ABCC1: variants seen among roughly 807,000 people sequenced by gnomAD.
The protein encoded by ABCC1 is multidrug resistance-associated protein 1.
In ABCC1, 83 loss-of-function variants were observed where a neutral mutation model predicts 172.9. That is an observed-to-expected ratio of 0.48 (90% CI 0.40 to 0.58). The LOEUF (loss-of-function observed/expected upper bound fraction) is 0.58, where lower values mean the gene tolerates loss of function less well. Among genes scored for constraint, ABCC1 ranks in the 20% least tolerant of loss-of-function variants. The pLI is 0.00. For synonymous variants in ABCC1, 937 were observed against 825.2 expected, an observed-to-expected ratio of 1.14 and a Z score of -2.32; for missense variants, 1,817 against 2,002.7, an observed-to-expected ratio of 0.91 and a Z score of 1.77.
At chr16:16,018,342 A>T (rs2048077898) in intron 5 of ABCC1, among the ~76,000 whole-genome samples, 1 of 152,142 alleles carries the variant, frequency 6.6e-6, no homozygotes, top group African/African-American at 2.4e-5. Context: ...TGAGTTCAGG[A>T]GTTCGAGACC....
At chr16:16,112,222 C>T (rs776192579) in intron 22 of ABCC1, among the ~76,000 whole-genome samples, 5 of 152,018 alleles carry the variant, frequency 3.3e-5, no homozygotes, top group African/African-American at 2.4e-5. Context: ...CTACAGGTCA[C>T]GTGGTGGTAT....
intron 2 of ABCC1, among the ~76,000 whole-genome samples, 175 bp downstream of exon 2, chr16:16,008,167 A>G (rs1430675214): frequency 6.6e-6 from 1 of 152,038 alleles, no homozygotes; most frequent in East Asian, 1.9e-4. Context: ...AAACATGGGT[A>G]CAAATCTTTG....
In ABCC1 at chr16:16,056,143, C is replaced by T. The variant is rs751617110; in HGVS notation, c.1525C>T (p.Leu509Phe). The change falls in exon 12 of 31, where the codon CTC becomes TTC. Residue 509 changes from leucine (L) to phenylalanine (F), a missense_variant. Transcript: ENST00000399410. ...DNRIKLMNEI[L>F]NGIKVLKLYA... Reference sequence around the variant, plus strand: ...TCGGATCAAGCTGATGAACGAAATTCTCAATGGGATCAAAGTGCTAAAGCT... The same window carrying T: ...TCGGATCAAGCTGATGAACGAAATTTTCAATGGGATCAAAGTGCTAAAGCT... 6.8e-6 allele frequency: 11 copies of T among 1,613,980 alleles called. No homozygotes were observed. In the African/African-American group the frequency reaches 1.5e-4, roughly 22 times the overall value.
rs753360625 is a variant in ABCC1, at chr16:16,068,211, A to G, written c.1733A>G (p.Asp578Gly). Residue 578 changes from aspartate (D) to glycine (G), a missense_variant, in exon 13 of 31, where the codon GAT becomes GGT. This residue lies in a region of ABCC1 where 1,412 missense variants were observed against 1,600.3 expected (regional missense o/e 0.88). Coordinates refer to ENST00000399410, the MANE Select transcript of ABCC1 (RefSeq NM_004996.4). ...YVTIDENNIL[D>G]AQTAFVSLAL... ...ACCATTGACGAGAACAACATCCTGG[A>G]TGCCCAGACAGCCTTCGTGTCTTTG... 3 of 1,614,162 alleles carry G rather than the reference A, an allele frequency of 1.9e-6. No homozygotes were observed. Among genetic ancestry groups the G allele is most frequent in the Non-Finnish European group, 2.5e-6 (3 of 1,180,026 alleles).
Position 16,124,337 on chromosome 16 carries a change from G to GTGTA in ABCC1, c.3591-449_3591-448insATGT, listed in dbSNP as rs1555502570. ...GCACTGTGTGTGTGTGTGTGTGTGT[G>GTGTA]TGTGTGTGTGTGATTATAGGAGTGA... On this transcript the variant is annotated intron_variant, in intron 24 of 30. Coordinates refer to ENST00000399410, the MANE Select transcript of ABCC1 (RefSeq NM_004996.4). 1.3e-3 allele frequency among the ~76,000 whole-genome samples: 157 copies of GTGTA among 122,874 alleles called. 2 individuals are homozygous for GTGTA. In the East Asian group the frequency reaches 0.018, roughly 14 times the overall value. 80.6% of individuals were successfully genotyped at this position (122,874 alleles called of 152,430 possible).
rs1250983684 is a variant in ABCC1 at position 16,016,621 on chromosome 16, T to C, written c.615T>C (p.Pro205=). ...TGTTCTCGGAAACCATCCACGACCC[T>C]GTAAGTGTGACCACAGATGAGTGTG... ...SPLFSETIHD[P]NPCPESSASF... is the part of the protein sequence containing the mutation. Residue 205 remains proline (P), a splice_region_variant and synonymous_variant, in exon 5 of 31, where the codon CCT becomes CCC. Coordinates refer to ENST00000399410, the MANE Select transcript of ABCC1 (RefSeq NM_004996.4). 1 of 1,614,170 alleles carries C rather than the reference T, an allele frequency of 6.2e-7. No homozygotes were observed. Among genetic ancestry groups the C allele is most frequent in the Non-Finnish European group, 8.5e-7 (1 of 1,180,010 alleles).
chr16:16,008,084 T>TAGGGTCAACTA, intron 2 of ABCC1, 92 bp downstream of exon 2: 2 of 1,285,654 alleles, frequency 1.6e-6, no homozygotes, highest in Non-Finnish European at 2.2e-6. Flanking sequence ...CTCTTCTACT[T>TAGGGTCAACTA]AGTTGACCCT....
At chr16:16,136,326 T>C in intron 28 of ABCC1, 152 bp from the exon 29 acceptor site, 1 of 892,728 alleles carries the variant, frequency 1.1e-6, no homozygotes, top group South Asian at 2.0e-5. Flanking sequence ...ACCTGGCCTT[T>C]TTCTCCATTA....
intron 17 of ABCC1, 49 bp from the exon 18 acceptor site, chr16:16,086,775 A>T (rs1387074648): frequency 2.5e-6 from 4 of 1,598,248 alleles, no homozygotes; most frequent in Non-Finnish European, 3.4e-6. Flanking sequence ...ACGTATTGTG[A>T]GTCTCAAGAT....
chr16:16,033,173 A>G lies in ABCC1; in HGVS notation c.677+3A>G, dbSNP rs775794707. Reference sequence around the variant, plus strand: ...ATCACCTTCTGGTGGATCACAGGGTAAGGCCAGGCCCCCCAGACCTCAGGG... The same window carrying G: ...ATCACCTTCTGGTGGATCACAGGGTGAGGCCAGGCCCCCCAGACCTCAGGG... On this transcript the variant is annotated splice_donor_region_variant and intron_variant, in intron 6 of 30. Transcript: ENST00000399410. The G allele has an allele frequency of 1.2e-6, 2 of 1,613,794 alleles. No individual in the cohort carries two copies. The highest frequency in any genetic ancestry group is 1.7e-6 in the Non-Finnish European group (2 of 1,179,696).
chr16:16,111,307 C>A, intron 21 of ABCC1, 68 bp from the exon 22 acceptor site: 1 of 1,317,874 alleles, frequency 7.6e-7, no homozygotes, highest in Non-Finnish European at 1.1e-6. Context: ...AGCCCCCGAC[C>A]TTGTGGGGCT....
At chr16:16,126,585 A>G (rs142733206) in intron 26 of ABCC1, among the ~76,000 whole-genome samples, 6 of 152,072 alleles carry the variant, frequency 3.9e-5, no homozygotes, top group Admixed American at 2.6e-4. Context: ...GGGTTTCACT[A>G]AGTTGGCCAG....
chr16:16,032,840 G>A (rs952952973), intron 5 of ABCC1, among the ~76,000 whole-genome samples: 11 of 152,176 alleles, frequency 7.2e-5, no homozygotes, highest in African/African-American at 2.7e-4. Context: ...GGTTGTTGTG[G>A]GGATAGAAGA....
chr16:16,004,937 T>G (rs1362629211), intron 1 of ABCC1, among the ~76,000 whole-genome samples: 2 of 152,056 alleles, frequency 1.3e-5, no homozygotes, highest in East Asian at 3.9e-4. Flanking sequence ...AGTGCTGGGA[T>G]TACAGGCATG....
intron 1 of ABCC1, among the ~76,000 whole-genome samples, chr16:15,983,497 T>G (rs1193025116): frequency 6.6e-6 from 1 of 151,648 alleles, no homozygotes; most frequent in East Asian, 1.9e-4. Context: ...CAGATAAGAT[T>G]TATTAGGTGT....
chr16:15,960,664 C>T (rs1001125640), intron 1 of ABCC1, among the ~76,000 whole-genome samples: 4 of 152,080 alleles, frequency 2.6e-5, no homozygotes, highest in African/African-American at 7.2e-5. Context: ...CTTTCGGAGG[C>T]GGTGAGGTTT....
chr16:15,979,428 G>A (rs2046570123), intron 1 of ABCC1, among the ~76,000 whole-genome samples: 1 of 152,120 alleles, frequency 6.6e-6, no homozygotes, highest in Non-Finnish European at 1.5e-5. Flanking sequence ...GAGGGTGTTA[G>A]GTGCTAAAGG....
chr16:15,981,161 G>A (rs2046611401), intron 1 of ABCC1, among the ~76,000 whole-genome samples: 1 of 152,236 alleles, frequency 6.6e-6, no homozygotes, highest in Non-Finnish European at 1.5e-5. Flanking sequence ...CCCCCATCAA[G>A]GGGCTTTCAC....
intron 20 of ABCC1, among the ~76,000 whole-genome samples, chr16:16,104,672 T>C (rs1375320038): frequency 3.3e-5 from 5 of 152,106 alleles, no homozygotes; most frequent in Admixed American, 2.6e-4. Context: ...GCGCCCTCAC[T>C]CCTCAGCCCT....
Sources: allele counts gnomAD v4.1 joint callset (sites outside exome capture counted in the v4.1 genomes callset), GRCh38; gene constraint gnomAD v4.1.1; regional missense constraint gnomAD v4.1.1; transcripts MANE v1.5; gene names NCBI Gene and HGNC (gene_info 2026-07-23, HGNC 2026-07-21).